Variants in NBEA observed in about 807,000 individuals in gnomAD.
The protein encoded by NBEA is lysosomal-trafficking regulator 2.
Under a neutral mutation model 343.4 loss-of-function variants are expected in NBEA, and 44 were observed. That is an observed-to-expected ratio of 0.13 (90% CI 0.10 to 0.16). The LOEUF is 0.16. NBEA is among the 10% of genes least tolerant of loss of function. The pLI is 1.00. For missense variants in NBEA, 2,555 were observed against 3,631.3 expected, an observed-to-expected ratio of 0.70 and a Z score of 7.62; for synonymous variants, 1,175 against 1,238.7, an observed-to-expected ratio of 0.95 and a Z score of 1.08.
chr13:35,020,701 G>A (rs2061808005), intron 1 of NBEA, among the ~76,000 whole-genome samples: 1 of 152,242 alleles, frequency 6.6e-6, no homozygotes, highest in East Asian at 1.9e-4. Context: ...TGTATTTTTA[G>A]TAGAGACAGG....
intron 38 of NBEA, among the ~76,000 whole-genome samples, chr13:35,424,048 G>T (rs1290786364): frequency 6.6e-6 from 1 of 152,180 alleles, no homozygotes. Context: ...AGGAGATTTT[G>T]GGCTGAGACC....
chr13:35,302,793 A>G (rs2036638150), intron 35 of NBEA, among the ~76,000 whole-genome samples: 1 of 152,162 alleles, frequency 6.6e-6, no homozygotes, highest in Non-Finnish European at 1.5e-5. Context: ...CAATTGCACC[A>G]TCTATTTCTT....
intron 13 of NBEA, among the ~76,000 whole-genome samples, chr13:35,112,763 A>G (rs1331735100): frequency 3.9e-5 from 6 of 152,166 alleles, no homozygotes; most frequent in Non-Finnish European, 2.9e-5. Context: ...TTATGTATAT[A>G]TAAACACACC....
intron 38 of NBEA, among the ~76,000 whole-genome samples, chr13:35,428,254 T>C (rs1287382593): frequency 1.3e-5 from 2 of 152,100 alleles, no homozygotes; most frequent in Non-Finnish European, 2.9e-5. Context: ...CCGGAGCTGT[T>C]CCTATTCGGC....
In NBEA at chr13:35,184,067, C is replaced by T. The variant is rs373485789; in HGVS notation, c.4923C>T (p.Tyr1641=). 10 of 1,606,540 alleles carry T rather than the reference C, an allele frequency of 6.2e-6. No individual in the cohort carries two copies. The African/African-American group carries it at 1.3e-4, about 22-fold the overall frequency. Residue 1641 remains tyrosine, a synonymous_variant, in exon 30 of 59, where the codon TAC becomes TAT. Transcript: ENST00000379939. ...IPEQSFGHSF[Y]KETPAAFPDT... The stretch of plus-strand genomic sequence containing the variant: ...AGCAGAGCTTTGGCCACTCATTTTA[C>T]AAAGGTAATACTGACCTCATCTCCT...
At chr13:35,256,797 G>C (rs146290313) in intron 34 of NBEA, among the ~76,000 whole-genome samples, 13 of 152,342 alleles carry the variant, frequency 8.5e-5, no homozygotes, top group Middle Eastern at 3.4e-3. Flanking sequence ...CCAGGAGTGG[G>C]TGCCAGGAGT....
intron 33 of NBEA, among the ~76,000 whole-genome samples, chr13:35,225,784 T>G (rs749114944): frequency 5.3e-5 from 8 of 152,152 alleles, no homozygotes; most frequent in Non-Finnish European, 8.8e-5. Flanking sequence ...TAAGTCTTCT[T>G]GGAGTTCCTA....
intron 8 of NBEA, among the ~76,000 whole-genome samples, chr13:35,059,352 A>G (rs2063378973): frequency 6.6e-6 from 1 of 151,894 alleles, no homozygotes; most frequent in Non-Finnish European, 1.5e-5. Context: ...GAGTATACTA[A>G]TTTAGCAAAA....
At chr13:35,118,048 A>T (rs572676960) in intron 14 of NBEA, among the ~76,000 whole-genome samples, 180 bp from the exon 15 acceptor site, 1 of 152,122 alleles carries the variant, frequency 6.6e-6, no homozygotes, top group South Asian at 2.1e-4. Context: ...TAATTTTCTA[A>T]ATATTTACTT....
chr13:35,431,768 A>G (rs2045130168), intron 38 of NBEA, among the ~76,000 whole-genome samples: 1 of 152,162 alleles, frequency 6.6e-6, no homozygotes, highest in Admixed American at 6.5e-5. Context: ...TCAGCACATT[A>G]TTTTAATCAT....
intron 38 of NBEA, among the ~76,000 whole-genome samples, chr13:35,366,631 A>T (rs549089094): frequency 1.3e-5 from 2 of 149,842 alleles, no homozygotes; most frequent in South Asian, 4.2e-4. Flanking sequence ...TATAATTATA[A>T]TTCCTCAAAC....
chr13:35,655,760 G>T lies in NBEA; in HGVS notation c.8362+11G>T, dbSNP rs369423373. The T allele has an allele frequency of 6.2e-7, 1 of 1,602,410 alleles. No individual in the cohort carries two copies. Among genetic ancestry groups the T allele is most frequent in the East Asian group, 2.2e-5 (1 of 44,724 alleles). On this transcript the variant is annotated intron_variant, in intron 55 of 58. Coordinates refer to ENST00000379939, the MANE Select transcript of NBEA (RefSeq NM_001385012.1). ...ACAACCCTAACAGCAGTGAGTGTTT[G>T]TATCAAATTTGTCCTATCAAACTAT...
In NBEA at chr13:34,942,614, T is replaced by C. The variant is rs2059062796; in HGVS notation, c.-207T>C. ...TTAGCGGTACCGCCACCGCCGAGAA[T>C]AAGCCTGCGGATCCCCCGCCGCCTC... is the stretch of plus-strand genomic sequence containing the variant. On this transcript the variant is annotated 5_prime_UTR_variant, in exon 1 of 59. Transcript: ENST00000379939. 1.7e-5 allele frequency: 5 copies of C among 294,558 alleles called. No individual in the cohort carries two copies. Among genetic ancestry groups the C allele is most frequent in the Admixed American group, 1.6e-4 (3 of 19,056 alleles). The allele number at this position is 294,558 out of a possible 1,614,324, so 18.2% of individuals were successfully genotyped here.
chr13:35,141,741 G>C (rs2068105577), intron 17 of NBEA, among the ~76,000 whole-genome samples: 1 of 152,194 alleles, frequency 6.6e-6, no homozygotes, highest in Non-Finnish European at 1.5e-5. Flanking sequence ...TCCATTGGTA[G>C]ACCACAAATA....
chr13:35,512,923 T>C (rs1237386649), intron 41 of NBEA, among the ~76,000 whole-genome samples: 1 of 152,220 alleles, frequency 6.6e-6, no homozygotes, highest in Admixed American at 6.5e-5. Flanking sequence ...CATGGTAGGA[T>C]TGATTTTTCT....
At chr13:35,261,382 C>G (rs2152798403) in intron 34 of NBEA, among the ~76,000 whole-genome samples, 1 of 152,086 alleles carries the variant, frequency 6.6e-6, no homozygotes, top group East Asian at 1.9e-4. Flanking sequence ...CATGGTAGAG[C>G]ATATCCGTAG....
chr13:35,388,489 TTAATA>T (rs2042354683), intron 38 of NBEA, among the ~76,000 whole-genome samples: 1 of 152,172 alleles, frequency 6.6e-6, no homozygotes. Flanking sequence ...ACAAAGATAT[TTAATA>T]TGTTATCTAT....
chr13:35,491,455 A>G (rs60818917), intron 41 of NBEA, among the ~76,000 whole-genome samples: 4,257 of 151,988 alleles, frequency 0.028, 286 homozygotes, highest in East Asian at 0.21. Flanking sequence ...CCAATTGAGC[A>G]CCTGCTTCTC....
At chr13:35,425,416 T>A (rs1329790051) in intron 38 of NBEA, among the ~76,000 whole-genome samples, 4 of 152,228 alleles carry the variant, frequency 2.6e-5, no homozygotes. Flanking sequence ...CCAGTAGTCA[T>A]TCAGGAGCAG....
Sources: allele counts gnomAD v4.1 joint callset (sites outside exome capture counted in the v4.1 genomes callset), GRCh38; gene constraint gnomAD v4.1.1; transcripts MANE v1.5; gene names NCBI Gene and HGNC (gene_info 2026-07-23, HGNC 2026-07-21).